Variants in GPM6A observed in about 807,000 individuals in gnomAD.
GPM6A encodes the protein neuronal membrane glycoprotein M6-a.
GPM6A carries 7 observed loss-of-function variants against 32.1 expected under a neutral mutation model. That is an observed-to-expected ratio of 0.22 (90% CI 0.12 to 0.41). The LOEUF is 0.41. GPM6A is among the 10% of genes least tolerant of loss of function. The pLI is 1.00. For missense variants in GPM6A, 235 were observed against 347.2 expected, an observed-to-expected ratio of 0.68 and a Z score of 2.57; for synonymous variants, 130 against 123.4, an observed-to-expected ratio of 1.05 and a Z score of -0.35.
chr4:175,719,702 C>T (rs1746016655), intron 1 of GPM6A, among the ~76,000 whole-genome samples: 1 of 152,094 alleles, frequency 6.6e-6, no homozygotes, highest in Admixed American at 6.5e-5. Flanking sequence ...GTCTAAGGTA[C>T]ATTTGGAAAT....
intron 1 of GPM6A, among the ~76,000 whole-genome samples, chr4:175,745,375 G>T (rs1275760531): frequency 2.0e-5 from 3 of 152,194 alleles, no homozygotes; most frequent in Admixed American, 6.5e-5. Flanking sequence ...GTTGGCTGCA[G>T]CTGCCATTGT....
chr4:175,952,330 C>T (rs1739841963), intron 1 of GPM6A, among the ~76,000 whole-genome samples: 1 of 152,136 alleles, frequency 6.6e-6, no homozygotes, highest in Non-Finnish European at 1.5e-5. Flanking sequence ...CACTTCAAAG[C>T]TAGATGTCCA....
At chr4:175,649,538 C>T (rs1741662150) in intron 4 of GPM6A, among the ~76,000 whole-genome samples, 1 of 152,140 alleles carries the variant, frequency 6.6e-6, no homozygotes, top group Non-Finnish European at 1.5e-5. Context: ...ACCTTATAAT[C>T]ACCTACTTAA....
At chr4:175,735,673 C>A (rs1350652172) in intron 1 of GPM6A, among the ~76,000 whole-genome samples, 1 of 152,000 alleles carries the variant, frequency 6.6e-6, no homozygotes. Flanking sequence ...GATTCTCCGG[C>A]CTCAGCCTCC....
At chr4:175,855,558 C>G (rs1736391207) in intron 1 of GPM6A, among the ~76,000 whole-genome samples, 1 of 152,144 alleles carries the variant, frequency 6.6e-6, no homozygotes, top group African/African-American at 2.4e-5. Flanking sequence ...AACATAAGCA[C>G]TCTATTCTAG....
intron 1 of GPM6A, among the ~76,000 whole-genome samples, chr4:175,753,907 T>A (rs146298630): frequency 6.9e-4 from 105 of 152,220 alleles, no homozygotes; most frequent in African/African-American, 2.3e-3. Context: ...ACTGTTCCCT[T>A]AGCAATGGTA....
rs182549825 is a variant in GPM6A at position 175,768,137 on chromosome 4, C to T, written c.37+44054G>A. Among the ~76,000 whole-genome samples the T allele has an allele frequency of 5.6e-3, 857 of 152,252 alleles. 10 individuals carry two copies. Among genetic ancestry groups the T allele is most frequent in the Non-Finnish European group, 1.0e-2 (679 of 68,018 alleles). ...GGGGAAGAATTTGTTTTAATTACCT[C>T]TGATTTTGAATTACTACTTAATTAC... On this transcript the variant is annotated intron_variant, in intron 1 of 6. Transcript: ENST00000393658.
At chr4:175,746,534 A>G (rs1229942399) in intron 1 of GPM6A, among the ~76,000 whole-genome samples, 1 of 152,138 alleles carries the variant, frequency 6.6e-6, no homozygotes, top group African/African-American at 2.4e-5. Flanking sequence ...TGGCATTTGG[A>G]ATTCTTATAG....
At chr4:175,655,298 A>C (rs1742018267) in intron 3 of GPM6A, among the ~76,000 whole-genome samples, 1 of 152,130 alleles carries the variant, frequency 6.6e-6, no homozygotes, top group African/African-American at 2.4e-5. Flanking sequence ...GTTCACTAAA[A>C]TATTCACTAA....
At chr4:175,746,380 T>C (rs957186690) in intron 1 of GPM6A, among the ~76,000 whole-genome samples, 2 of 152,238 alleles carry the variant, frequency 1.3e-5, no homozygotes, top group Non-Finnish European at 2.9e-5. Context: ...TTGCACATCT[T>C]GGGTTGCCAA....
intron 1 of GPM6A, among the ~76,000 whole-genome samples, chr4:175,723,604 A>T (rs1746254511): frequency 6.6e-6 from 1 of 152,082 alleles, no homozygotes. Flanking sequence ...GAACTCATAA[A>T]CTTACTGTGT....
rs997834309 is a variant in GPM6A at position 175,673,571 on chromosome 4, C to A, written c.387+109G>T. 4 of 673,288 alleles carry A rather than the reference C, an allele frequency of 5.9e-6. No individual in the cohort carries two copies. In the South Asian group the frequency reaches 1.0e-4, roughly 17 times the overall value. 41.7% of individuals were successfully genotyped at this position (673,288 alleles called of 1,614,324 possible). On this transcript the variant is annotated intron_variant, in intron 3 of 6. Transcript: ENST00000393658. Reference sequence around the variant, plus strand: ...TTTAAGATAGCATCACAGAAGGAAACGTTACTGTGTGAAAAAAAAATACTT... The same window carrying A: ...TTTAAGATAGCATCACAGAAGGAAAAGTTACTGTGTGAAAAAAAAATACTT...
intron 1 of GPM6A, among the ~76,000 whole-genome samples, chr4:175,710,657 A>C (rs903430767): frequency 6.6e-6 from 1 of 152,122 alleles, no homozygotes. Flanking sequence ...AATTTTCATC[A>C]CCAACTCACA....
chr4:175,688,392 A>G (rs565364850), intron 2 of GPM6A, among the ~76,000 whole-genome samples: 4 of 152,168 alleles, frequency 2.6e-5, no homozygotes, highest in Non-Finnish European at 5.9e-5. Context: ...TAATATAAGC[A>G]TTCAATTTCA....
At chr4:175,698,604 G>T (rs141208957) in intron 2 of GPM6A, among the ~76,000 whole-genome samples, 1 of 152,234 alleles carries the variant, frequency 6.6e-6, no homozygotes, top group East Asian at 1.9e-4. Flanking sequence ...GAGGTTTACA[G>T]TACATATTTT....
At chr4:175,776,041 C>A (rs922761340) in intron 1 of GPM6A, among the ~76,000 whole-genome samples, 6 of 152,136 alleles carry the variant, frequency 3.9e-5, no homozygotes, top group Admixed American at 1.3e-4. Flanking sequence ...TACCTGACAT[C>A]ACTATTAATT....
intron 1 of GPM6A, among the ~76,000 whole-genome samples, chr4:175,938,737 CA>C (rs3034711): frequency 3.2e-4 from 43 of 134,082 alleles, no homozygotes; most frequent in East Asian, 1.0e-3. Flanking sequence ...AAAGTAAAAC[CA>C]AAAAAAAAAA....
chr4:175,713,489 C>A (rs557427587), intron 1 of GPM6A, among the ~76,000 whole-genome samples: 2 of 152,254 alleles, frequency 1.3e-5, no homozygotes, highest in South Asian at 4.1e-4. Flanking sequence ...CGGAGCCCTG[C>A]CTGATAGTCC....
intron 1 of GPM6A, among the ~76,000 whole-genome samples, chr4:175,780,118 G>C (rs1049682804): frequency 6.6e-6 from 1 of 151,692 alleles, no homozygotes; most frequent in Admixed American, 6.6e-5. Flanking sequence ...CGTGATCTCG[G>C]CTCACTGCAA....
Sources: allele counts gnomAD v4.1 joint callset (sites outside exome capture counted in the v4.1 genomes callset), GRCh38; gene constraint gnomAD v4.1.1; transcripts MANE v1.5; gene names NCBI Gene and HGNC (gene_info 2026-07-23, HGNC 2026-07-21).